The following BTD variants were observed in gnomAD, a reference collection of about 807,000 sequenced individuals.
BTD encodes biotinidase.
BTD carries 13 observed loss-of-function variants against 17.7 expected under a neutral mutation model. The observed-to-expected ratio is 0.74, with a 90% CI of 0.48 to 1.17. BTD has a LOEUF of 1.17. Ranked by LOEUF, BTD falls within the 50% of genes most tolerant of loss-of-function variation. The pLI is 0.00. For missense variants in BTD, 674 were observed against 650.4 expected (o/e 1.04, Z -0.39); for synonymous variants, 240 against 245.2 (o/e 0.98, Z 0.20).
At chr3:15,627,934 C>T (rs1051730721) in intron 1 of BTD, among the ~76,000 whole-genome samples, 1 of 152,294 alleles carries the variant, frequency 6.6e-6, no homozygotes, top group Non-Finnish European at 1.5e-5. Flanking sequence ...GTTGGCTAGG[C>T]TGGTCTTGAA....
chr3:15,606,367 GA>G (rs1407121903), intron 1 of BTD: 1 of 152,196 alleles, frequency 6.6e-6, no homozygotes, highest in African/African-American at 2.4e-5. Flanking sequence ...TTTCATGCCA[GA>G]AGCATGAGTT....
rs1473669802 is a variant in BTD at position 15,645,026 on chromosome 3, T to C, written c.1110T>C (p.Ala370=). The change falls in exon 4 of 4, where the codon GCT becomes GCC. Residue 370 remains alanine, a synonymous_variant. Coordinates refer to ENST00000643237, the MANE Select transcript of BTD (RefSeq NM_001370658.1). ...CDEATKWNVN[A]PPTFHSEMMY... ...AGGCCACCAAGTGGAACGTGAATGC[T>C]CCTCCCACATTTCACTCTGAGATGA... 6.2e-7 allele frequency: 1 copy of C among 1,614,104 alleles called. No homozygotes were observed. Among genetic ancestry groups the C allele is most frequent in the Non-Finnish European group, 8.5e-7 (1 of 1,180,024 alleles).
At position 15,644,345 on chromosome 3, in the gene BTD, C is replaced by G; in HGVS notation, c.429C>G (p.Ile143Met). ...EVLQRLSCMA[I>M]RGDMFLVANL... The stretch of plus-strand genomic sequence containing the variant: ...TCCAGCGCCTGAGTTGTATGGCCAT[C>G]AGGGGAGATATGTTCTTGGTGGCCA... Residue 143 changes from isoleucine to methionine, a missense_variant, in exon 4 of 4, where the codon ATC (isoleucine) becomes ATG (methionine). Ile to Met is a conservative substitution (Grantham distance 10). Coordinates refer to ENST00000643237, the MANE Select transcript of BTD (RefSeq NM_001370658.1). The G allele has an allele frequency of 6.2e-7, 1 of 1,613,956 alleles. No homozygotes were observed. Among genetic ancestry groups the G allele is most frequent in the Non-Finnish European group, 8.5e-7 (1 of 1,179,984 alleles).
At position 15,664,910 on chromosome 3, in the gene BTD, C is replaced by T. The variant is rs118038421; in HGVS notation, c.399+22853C>T. ...TCAAAAAACTACCTATTAAGTACGA[C>T]GCCTATTACCTGGGTGATGAAATAA... On this transcript the variant is annotated intron_variant, in intron 3 of 3. Transcript: ENST00000672141. Among the ~76,000 whole-genome samples, 138 of 152,068 alleles carry T rather than the reference C, an allele frequency of 9.1e-4. 2 individuals carry two copies. In the East Asian group the frequency reaches 0.024, roughly 26 times the overall value.
rs186042176 is a variant in BTD, at chr3:15,686,868, A to C, written c.400-23192A>C. Among the ~76,000 whole-genome samples, 25 of 152,328 alleles carry C rather than the reference A, an allele frequency of 1.6e-4. No individual in the cohort carries two copies. In the East Asian group the frequency reaches 4.2e-3, roughly 26 times the overall value. The stretch of plus-strand genomic sequence containing the variant: ...CCCACAACATGAATGCAAATGTAAG[A>C]GAATAACAGAATTTAATCCAGAGCT... On this transcript the variant is annotated intron_variant, in intron 3 of 3. Transcript: ENST00000672141.
Position 15,635,453 on chromosome 3 carries a change from G to T in BTD, c.14G>T (p.Arg5Ile). MSGA[R>I]SKLALFLCGC... ...GTGGTCTGCATTATGTCTGGAGCCA[G>T]AAGTAAGCTTGCTCTTTTCCTCTGC... Residue 5 changes from arginine (R) to isoleucine (I), a missense_variant, in exon 2 of 4, where the codon AGA becomes ATA. By Grantham distance (97) the Arg-to-Ile change is moderately conservative (BLOSUM62 -3). Coordinates refer to ENST00000643237, the MANE Select transcript of BTD (RefSeq NM_001370658.1). This position sits in a 1 kb window ranked among gnomAD's most constrained non-coding sequence, Gnocchi z 4.1. 6.2e-7 allele frequency: 1 copy of T among 1,614,232 alleles called. No individual in the cohort carries two copies. Among genetic ancestry groups the T allele is most frequent in the Non-Finnish European group, 8.5e-7 (1 of 1,180,038 alleles).
rs2065757808 is a variant in BTD at position 15,649,192 on chromosome 3, G to T, written c.*3704G>T. ...ACGTTGGTGCTGGCTGCTAGCAAAA[G>T]GTCTCAGCTCCTCACCACTTGGGTC... On this transcript the variant is annotated 3_prime_UTR_variant, in exon 4 of 4. Transcript: ENST00000643237. 6.6e-6 allele frequency among the ~76,000 whole-genome samples: 1 copy of T among 152,210 alleles called. No homozygotes were observed. The highest frequency in any genetic ancestry group is 1.5e-5 in the Non-Finnish European group (1 of 68,044).
At position 15,698,926 on chromosome 3, in the gene BTD, T is replaced by A. The variant is rs534337002; in HGVS notation, c.400-11134T>A. On this transcript the variant is annotated intron_variant, in intron 3 of 3. Coordinates refer to the BTD transcript ENST00000672141. ...ATATGGAACCAAAAAAGAGCCCGCATTGCCAAGACAATCCTAAGCCAAAAG... is the reference window on the plus strand; with the variant it reads ...ATATGGAACCAAAAAAGAGCCCGCAATGCCAAGACAATCCTAAGCCAAAAG... Among the ~76,000 whole-genome samples, 376 of 152,308 alleles carry A rather than the reference T, an allele frequency of 2.5e-3. 4 individuals carry two copies. The highest frequency in any genetic ancestry group is 1.0e-3 in the Non-Finnish European group (68 of 68,016).
chr3:15,676,901 G>A (rs2066994710), intron 3 of BTD: 1 of 1,295,418 alleles, frequency 7.7e-7, no homozygotes, highest in Non-Finnish European at 1.1e-6. Flanking sequence ...ATAGTCACAT[G>A]TTTAAAAAAA....
At chr3:15,659,362 CACTT>C (rs2065900452) in intron 3 of BTD, among the ~76,000 whole-genome samples, 2 of 152,134 alleles carry the variant, frequency 1.3e-5, no homozygotes, top group Admixed American at 6.5e-5. Context: ...GTCAGTGGCT[CACTT>C]CAGTTCAAAG....
In BTD at chr3:15,607,207, C is replaced by T. The variant is rs1014453775; in HGVS notation, c.-17+5313C>T. Among the ~76,000 whole-genome samples the T allele has an allele frequency of 1.5e-4, 23 of 152,142 alleles. 1 individual carries two copies. The highest frequency in any genetic ancestry group is 1.0e-3 in the Admixed American group (16 of 15,274). ...TGTTGGATATTTTACTGAAATGTTA[C>T]TTGTTTTTGCTTATTTACTGATTGG... On this transcript the variant is annotated intron_variant, in intron 1 of 3. Transcript: ENST00000643237.
downstream of BTD, among the ~76,000 whole-genome samples, chr3:15,656,638 A>T (rs1467610427): frequency 6.6e-6 from 1 of 152,192 alleles, no homozygotes; most frequent in African/African-American, 2.4e-5. Context: ...GCATTTTTAT[A>T]TCCAACATAG....
In BTD at chr3:15,641,979, AT is replaced by A; in HGVS notation, c.326del (p.Leu109TrpfsTer30). On this transcript the variant is annotated frameshift_variant, in exon 3 of 4. Transcript: ENST00000643237. LOFTEE classifies it high-confidence loss of function. The part of the protein sequence containing the change: ...FNFTRTSIYP[F>X]LDFMPSPQVV... ...ACTTTACAAGAACATCCATTTATCC[AT>A]TTTTGGACTTCATGCCGTCTCCCCA... is the stretch of plus-strand genomic sequence containing the variant. 1 of 1,614,076 alleles carries A rather than the reference AT, an allele frequency of 6.2e-7. No individual in the cohort carries two copies. The highest frequency in any genetic ancestry group is 1.1e-5 in the South Asian group (1 of 91,050).
intron 3 of BTD, among the ~76,000 whole-genome samples, chr3:15,682,700 CTT>C (rs1457762775): frequency 6.6e-6 from 1 of 152,176 alleles, no homozygotes; most frequent in African/African-American, 2.4e-5. Flanking sequence ...CATGCTTCCA[CTT>C]TTCTTTCCAG....
chr3:15,682,078 C>T (rs1421618447), intron 3 of BTD, among the ~76,000 whole-genome samples: 14 of 151,476 alleles, frequency 9.2e-5, no homozygotes, highest in Non-Finnish European at 8.8e-5. Flanking sequence ...CCTGGGGTGA[C>T]GCAAAAAAAA....
chr3:15,679,122 G>GC (rs2067257026), intron 3 of BTD, among the ~76,000 whole-genome samples: 1 of 151,478 alleles, frequency 6.6e-6, no homozygotes, highest in Non-Finnish European at 1.5e-5. Context: ...TCACAGGCAT[G>GC]CATCATCATG....
rs750494564 is a variant in BTD, at chr3:15,644,306, T to C, written c.400-10T>C. On this transcript the variant is annotated splice_polypyrimidine_tract_variant and intron_variant, in intron 3 of 3. Transcript: ENST00000643237. ...AAAACCTCATTTATTTACACCTTTT[T>C]TTCCTCTAGGTGCTCCAGCGCCTGA... is the stretch of plus-strand genomic sequence containing the variant. 6.2e-7 allele frequency: 1 copy of C among 1,612,180 alleles called. No individual in the cohort carries two copies. Among genetic ancestry groups the C allele is most frequent in the Non-Finnish European group, 8.5e-7 (1 of 1,179,016 alleles).
intron 3 of BTD, among the ~76,000 whole-genome samples, chr3:15,659,555 A>C (rs929354166): frequency 1.3e-4 from 20 of 152,182 alleles, no homozygotes; most frequent in African/African-American, 4.8e-4. Context: ...TTCTCTAGTA[A>C]AATTCTTGCA....
chr3:15,634,063 G>T (rs2065282235), intron 1 of BTD, among the ~76,000 whole-genome samples: 1 of 152,180 alleles, frequency 6.6e-6, no homozygotes, highest in African/African-American at 2.4e-5. Context: ...GATGGAACCG[G>T]GTTGGGGTGG....
Sources: allele counts gnomAD v4.1 joint callset (sites outside exome capture counted in the v4.1 genomes callset), GRCh38; gene constraint gnomAD v4.1.1; non-coding constraint Gnocchi (gnomAD v3.1); transcripts MANE v1.5; gene names NCBI Gene and HGNC (gene_info 2026-07-23, HGNC 2026-07-21).